CALN1: variants seen among roughly 807,000 people sequenced by gnomAD.
The protein encoded by CALN1 is calneuron 1, also known as calcium-binding protein 8.
Under a neutral mutation model 30.6 loss-of-function variants are expected in CALN1, and 17 were observed. The observed-to-expected ratio is 0.56, with a 90% CI of 0.38 to 0.83. The LOEUF (loss-of-function observed/expected upper bound fraction) is 0.83, where lower values mean the gene tolerates loss of function less well. Among genes scored for constraint, CALN1 ranks in the 40% least tolerant of loss-of-function variants. CALN1 has a pLI of 0.00. For synonymous variants in CALN1, 156 were observed against 131.4 expected, an observed-to-expected ratio of 1.19 and a Z score of -1.28; for missense variants, 291 against 354.9, an observed-to-expected ratio of 0.82 and a Z score of 1.45.
chr7:72,382,673 ACCCAATGTTTAGCT>A (rs946492890), intron 2 of CALN1, among the ~76,000 whole-genome samples: 9 of 152,100 alleles, frequency 5.9e-5, no homozygotes, highest in African/African-American at 1.9e-4. Flanking sequence ...GTACACATGT[ACCCAATGTTTAGCT>A]CCCACTTATA....
intron 3 of CALN1, among the ~76,000 whole-genome samples, chr7:72,174,909 A>G (rs1439046866): frequency 6.8e-6 from 1 of 146,548 alleles, no homozygotes; most frequent in African/African-American, 2.5e-5. Context: ...TATGTAAACT[A>G]TACCTCAATA....
At chr7:72,185,490 G>C (rs543591733) in intron 3 of CALN1, among the ~76,000 whole-genome samples, 1 of 152,220 alleles carries the variant, frequency 6.6e-6, no homozygotes, top group African/African-American at 2.4e-5. Context: ...ACTAGGTTGT[G>C]GTAAGTAGAG....
At chr7:72,350,946 G>A (rs1802889492) in intron 2 of CALN1, among the ~76,000 whole-genome samples, 1 of 152,070 alleles carries the variant, frequency 6.6e-6, no homozygotes, top group Non-Finnish European at 1.5e-5. Flanking sequence ...TTCAAGACCA[G>A]CCTGACCAAC....
chr7:72,296,290 T>C (rs1316395981), intron 2 of CALN1, among the ~76,000 whole-genome samples: 4 of 146,988 alleles, frequency 2.7e-5, no homozygotes, highest in African/African-American at 1.0e-4. Flanking sequence ...GATTTTTGCA[T>C]CAATGTTCAT....
In CALN1 at chr7:72,320,945, T is replaced by C. The variant is rs1339982525; in HGVS notation, c.120-42135A>G. 1.3e-5 allele frequency among the ~76,000 whole-genome samples: 2 copies of C among 152,108 alleles called. 1 individual carries two copies. Among genetic ancestry groups the C allele is most frequent in the African/African-American group, 4.8e-5 (2 of 41,420 alleles). On this transcript the variant is annotated intron_variant, in intron 2 of 6. Coordinates refer to ENST00000395275, the MANE Select transcript of CALN1 (RefSeq NM_031468.4). ...ACTCACTAGTCCACAGCTGTGTGAC[T>C]TTCAGCCAGGTATTTAACTTCTCTG...
intron 4 of CALN1, among the ~76,000 whole-genome samples, chr7:72,025,334 TA>T (rs1359218464): frequency 1.3e-5 from 2 of 151,504 alleles, no homozygotes; most frequent in Non-Finnish European, 2.9e-5. Flanking sequence ...AATAAAACAA[TA>T]AAATAAAATA....
At chr7:72,250,643 A>G (rs532169) in intron 3 of CALN1, among the ~76,000 whole-genome samples, 104,914 of 151,824 alleles carry the variant, frequency 0.69, 36,817 homozygotes, top group East Asian at 1. Flanking sequence ...CCCTCCCTGC[A>G]GTAATGAGTG....
chr7:71,881,174 G>C (rs1259204818), intron 5 of CALN1, among the ~76,000 whole-genome samples: 1 of 152,194 alleles, frequency 6.6e-6, no homozygotes, highest in Admixed American at 6.5e-5. Context: ...ACTTACACCA[G>C]TGGTTTGCCA....
chr7:72,205,557 T>TAC (rs1246795736), intron 3 of CALN1, among the ~76,000 whole-genome samples: 1,757 of 109,746 alleles, frequency 0.016, 315 homozygotes, highest in African/African-American at 0.052. Flanking sequence ...AAAAAATATA[T>TAC]ATATATATAT....
chr7:71,880,068 T>C (rs1475610858), intron 5 of CALN1, among the ~76,000 whole-genome samples: 6 of 152,082 alleles, frequency 3.9e-5, no homozygotes, highest in Admixed American at 6.6e-5. Context: ...GCCCGGGAGT[T>C]TGAGGCTATA....
intron 2 of CALN1, among the ~76,000 whole-genome samples, chr7:72,400,455 G>A (rs535888084): frequency 6.6e-6 from 1 of 152,198 alleles, no homozygotes; most frequent in Non-Finnish European, 1.5e-5. Context: ...TTGATGATGA[G>A]CTAAATTTTG....
intron 2 of CALN1, among the ~76,000 whole-genome samples, chr7:72,368,497 T>A (rs1245890138): frequency 2.0e-5 from 3 of 151,958 alleles, no homozygotes; most frequent in African/African-American, 7.3e-5. Context: ...GAGTGTGTGA[T>A]AAATTTATAT....
At chr7:72,271,573 A>AT (rs1554345799) in intron 3 of CALN1, among the ~76,000 whole-genome samples, 12 of 23,500 alleles carry the variant, frequency 5.1e-4, no homozygotes, top group African/African-American at 1.8e-3. Context: ...TTAAAAAAAA[A>AT]AAATATATAT....
intron 5 of CALN1, among the ~76,000 whole-genome samples, chr7:71,951,136 C>A (rs1796669510): frequency 6.6e-6 from 1 of 152,186 alleles, no homozygotes; most frequent in Non-Finnish European, 1.5e-5. Context: ...TAGTAAATAT[C>A]AGTTTAATTA....
At chr7:72,029,700 G>A (rs1801314700) in intron 4 of CALN1, among the ~76,000 whole-genome samples, 1 of 152,206 alleles carries the variant, frequency 6.6e-6, no homozygotes, top group Non-Finnish European at 1.5e-5. Context: ...ACAGTTTTCA[G>A]GTTGGTGAAC....
chr7:71,999,441 C>T (rs1799414974), intron 5 of CALN1, among the ~76,000 whole-genome samples: 1 of 152,136 alleles, frequency 6.6e-6, no homozygotes, highest in African/African-American at 2.4e-5. Flanking sequence ...AGTATGTATA[C>T]AGAGAACTAC....
Position 71,978,262 on chromosome 7 carries a change from C to CTTTTTTTTTT in CALN1, c.501+45385_501+45394dup, listed in dbSNP as rs1010635078. On this transcript the variant is annotated intron_variant, in intron 5 of 6. Coordinates refer to ENST00000395275, the MANE Select transcript of CALN1 (RefSeq NM_031468.4). ...AAAAACTCAGGGACTCTAGAGAATT[C>CTTTTTTTTTT]TTTTTTTTTTTTTTTTTTTTTTTTT... is the stretch of plus-strand genomic sequence containing the variant. Among the ~76,000 whole-genome samples, 232 of 72,940 alleles carry CTTTTTTTTTT rather than the reference C, an allele frequency of 3.2e-3. 30 individuals carry two copies. In the East Asian group the frequency reaches 0.038, roughly 12 times the overall value. 47.9% of individuals were successfully genotyped at this position (72,940 alleles called of 152,430 possible). A position where few individuals can be genotyped will look rare whatever the true frequency, so the allele number is the denominator to read the frequency against.
chr7:72,129,595 G>A (rs1181790722), intron 3 of CALN1, among the ~76,000 whole-genome samples: 1 of 152,146 alleles, frequency 6.6e-6, no homozygotes, highest in Non-Finnish European at 1.5e-5. Context: ...AATAATTACA[G>A]ACGAAATGAT....
intron 3 of CALN1, among the ~76,000 whole-genome samples, chr7:72,259,730 G>C (rs1796146731): frequency 6.6e-6 from 1 of 152,196 alleles, no homozygotes; most frequent in African/African-American, 2.4e-5. Context: ...GCAAGGGTCT[G>C]TATTTTTAAA....
Sources: allele counts gnomAD v4.1 joint callset (sites outside exome capture counted in the v4.1 genomes callset), GRCh38; gene constraint gnomAD v4.1.1; transcripts MANE v1.5; gene names NCBI Gene and HGNC (gene_info 2026-07-23, HGNC 2026-07-21).